Variants in IFIT1B observed in about 807,000 individuals in gnomAD.
IFIT1B encodes interferon induced protein with tetratricopeptide repeats 1B.
In IFIT1B, 3 loss-of-function variants were observed where a neutral mutation model predicts 2.5. That is an observed-to-expected ratio of 1.21 (90% CI 0.55 to 3.14). The LOEUF is 3.14. Ranked by LOEUF, IFIT1B falls within the 30% of genes most tolerant of loss-of-function variation. The pLI is 0.03. For synonymous variants in IFIT1B, 196 were observed against 203.0 expected, an observed-to-expected ratio of 0.97 and a Z score of 0.29; for missense variants, 545 against 556.5, an observed-to-expected ratio of 0.98 and a Z score of 0.21.
At chr10:89,380,545 T>G (rs1467268666) in intron 1 of IFIT1B, among the ~76,000 whole-genome samples, 1 of 151,326 alleles carries the variant, frequency 6.6e-6, no homozygotes, top group Admixed American at 6.6e-5. Context: ...CAGGTGATCC[T>G]CCCACGTCAG....
chr10:89,382,483 T>C (rs895118118), intron 1 of IFIT1B, among the ~76,000 whole-genome samples: 1 of 152,222 alleles, frequency 6.6e-6, no homozygotes, highest in African/African-American at 2.4e-5. Context: ...TCCCACTGAC[T>C]TCATATTATT....
chr10:89,382,885 T>C (rs1844173676), intron 1 of IFIT1B, among the ~76,000 whole-genome samples: 1 of 152,236 alleles, frequency 6.6e-6, no homozygotes, highest in East Asian at 1.9e-4. Context: ...AAAACCAAAA[T>C]GTGTTTACGT....
chr10:89,383,053 G>T (rs1005857615), intron 1 of IFIT1B, among the ~76,000 whole-genome samples: 1 of 152,204 alleles, frequency 6.6e-6, no homozygotes, highest in Non-Finnish European at 1.5e-5. Flanking sequence ...TTATTTTGAT[G>T]TTAGCAGAAT....
At chr10:89,380,191 C>T (rs1300125734) in intron 1 of IFIT1B, among the ~76,000 whole-genome samples, 3 of 152,080 alleles carry the variant, frequency 2.0e-5, no homozygotes, top group African/African-American at 7.2e-5. Context: ...CCTGAGGTGG[C>T]CTAAGGGGAA....
intron 1 of IFIT1B, among the ~76,000 whole-genome samples, chr10:89,379,347 CTG>C (rs1844144436): frequency 6.6e-6 from 1 of 152,178 alleles, no homozygotes; most frequent in Non-Finnish European, 1.5e-5. Flanking sequence ...GCCCATCAAT[CTG>C]TGTGTTATAA....
chr10:89,378,367 T>C (rs1246764770), intron 1 of IFIT1B, among the ~76,000 whole-genome samples: 2 of 152,118 alleles, frequency 1.3e-5, no homozygotes, highest in Admixed American at 6.5e-5. Context: ...ATGGTGCTTG[T>C]TGGTTGCAGG....
chr10:89,379,436 A>G (rs192749404), intron 1 of IFIT1B, among the ~76,000 whole-genome samples: 1 of 152,306 alleles, frequency 6.6e-6, no homozygotes, highest in African/African-American at 2.4e-5. Flanking sequence ...GAAATTTTGT[A>G]GGCATTGTGA....
At chr10:89,380,650 C>T (rs1006695894) in intron 1 of IFIT1B, among the ~76,000 whole-genome samples, 1 of 152,092 alleles carries the variant, frequency 6.6e-6, no homozygotes, top group Admixed American at 6.5e-5. Flanking sequence ...CCATGCTGGT[C>T]GTGAACTCCT....
At position 89,384,494 on chromosome 10, in the gene IFIT1B, C is replaced by T. The variant is rs201434020; in HGVS notation, c.1181C>T (p.Ser394Phe). The T allele has an allele frequency of 1.2e-5, 20 of 1,614,000 alleles. No individual in the cohort carries two copies. The East Asian group carries it at 4.2e-4, about 34-fold the overall frequency. The change falls in exon 2 of 2, where the codon TCT becomes TTT. Residue 394 changes from serine (S) to phenylalanine (F), a missense_variant. Physicochemically the swap from Ser to Phe is radical, Grantham distance 155. Transcript: ENST00000371809. ...CGTTTCCAAGAACATCATGGGAAATCTCAAGATAAAGCAATTACCCATTAT... is the reference window on the plus strand; with the variant it reads ...CGTTTCCAAGAACATCATGGGAAATTTCAAGATAAAGCAATTACCCATTAT... Reference protein sequence around the residue: ...YGRFQEHHGKSQDKAITHYLK... With the variant: ...YGRFQEHHGKFQDKAITHYLK...
intron 1 of IFIT1B, among the ~76,000 whole-genome samples, chr10:89,379,936 G>A (rs1844150232): frequency 6.6e-6 from 1 of 152,010 alleles, no homozygotes; most frequent in Non-Finnish European, 1.5e-5. Context: ...TCAGGAGGCT[G>A]AGGCAGGAGA....
Position 89,381,029 on chromosome 10 carries a change from C to G in IFIT1B, c.6-2290C>G, listed in dbSNP as rs117488035. 1.7e-3 allele frequency among the ~76,000 whole-genome samples: 261 copies of G among 152,244 alleles called. 5 individuals carry two copies. In the East Asian group the frequency reaches 0.043, roughly 25 times the overall value. The stretch of plus-strand genomic sequence containing the variant: ...TCAGTGAAAGCCAAAATCTAGTATA[C>G]TTTTTTCCACCTATCAATGCATGGC... On this transcript the variant is annotated intron_variant, in intron 1 of 1. Coordinates refer to ENST00000371809, the MANE Select transcript of IFIT1B (RefSeq NM_001010987.2).
Position 89,378,097 on chromosome 10 carries a change from A to G in IFIT1B, c.-39A>G. On this transcript the variant is annotated 5_prime_UTR_variant, in exon 1 of 2. Coordinates refer to ENST00000371809, the MANE Select transcript of IFIT1B (RefSeq NM_001010987.2). ...ACCTTGAAGGAGCCTCCAAGCCTGA[A>G]CCAAAGCACTACAGATCACCTGCTA... 1 of 1,613,250 alleles carries G rather than the reference A, an allele frequency of 6.2e-7. No homozygotes were observed. Among genetic ancestry groups the G allele is most frequent in the Non-Finnish European group, 8.5e-7 (1 of 1,179,226 alleles).
Position 89,384,941 on chromosome 10 carries a change from A to T in IFIT1B, c.*203A>T, listed in dbSNP as rs1169111119. 9.3e-6 allele frequency: 5 copies of T among 540,452 alleles called. No homozygotes were observed. The East Asian group carries it at 1.5e-4, about 16-fold the overall frequency. The allele number at this position is 540,452 out of a possible 1,614,324, so 33.5% of individuals were successfully genotyped here. On this transcript the variant is annotated 3_prime_UTR_variant, in exon 2 of 2. Coordinates refer to ENST00000371809, the MANE Select transcript of IFIT1B (RefSeq NM_001010987.2). ...TGATCAGGAAAGGCCTTGTGGCACC[A>T]GACATAAGACCCCCTGAAAGTATCA... is the stretch of plus-strand genomic sequence containing the variant.
rs1030979188 is a variant in IFIT1B at position 89,383,946 on chromosome 10, G to A, written c.633G>A (p.Arg211=). 6.2e-7 allele frequency: 1 copy of A among 1,614,152 alleles called. No individual in the cohort carries two copies. Among genetic ancestry groups the A allele is most frequent in the Admixed American group, 1.7e-5 (1 of 60,016 alleles). The part of the protein sequence containing the change: ...FSLHVLKRAV[R]LNPDDVYIRV... ...TGCACGTCCTAAAACGAGCTGTCAG[G>A]CTAAATCCAGATGATGTATATATTA... Residue 211 remains arginine (R), a synonymous_variant, in exon 2 of 2, where the codon AGG becomes AGA. Coordinates refer to ENST00000371809, the MANE Select transcript of IFIT1B (RefSeq NM_001010987.2).
At position 89,385,022 on chromosome 10, in the gene IFIT1B, G is replaced by C. The variant is rs752618489; in HGVS notation, c.*284G>C. ...TCTTGGAACATAGCAAGTAGTAACC[G>C]ATCAAATTGCTATAACGTGTGTACT... On this transcript the variant is annotated 3_prime_UTR_variant, in exon 2 of 2. Coordinates refer to ENST00000371809, the MANE Select transcript of IFIT1B (RefSeq NM_001010987.2). 2.8e-6 allele frequency: 1 copy of C among 355,132 alleles called. No homozygotes were observed. The highest frequency in any genetic ancestry group is 4.3e-5 in the Admixed American group (1 of 23,032). The allele number at this position is 355,132 out of a possible 1,614,324, so 22.0% of individuals were successfully genotyped here. A position where few individuals can be genotyped will look rare whatever the true frequency, so the allele number is the denominator to read the frequency against.
At chr10:89,379,732 T>C (rs1844148089) in intron 1 of IFIT1B, among the ~76,000 whole-genome samples, 2 of 152,132 alleles carry the variant, frequency 1.3e-5, no homozygotes, top group African/African-American at 2.4e-5. Context: ...AACGGGCTCC[T>C]GGTCATAAGA....
chr10:89,383,653 G>C lies in IFIT1B; in HGVS notation c.340G>C (p.Ala114Pro), dbSNP rs1564804247. The C allele has an allele frequency of 6.2e-7, 1 of 1,614,258 alleles. No homozygotes were observed. Among genetic ancestry groups the C allele is most frequent in the East Asian group, 2.2e-5 (1 of 44,888 alleles). The change falls in exon 2 of 2, where the codon GCC (alanine) becomes CCC (proline). Residue 114 changes from alanine to proline, a missense_variant. Transcript: ENST00000371809. ...TTACCACATGGGCAGATTGGCAGAA[G>C]CCCAGACTTACCTGGACAAGGTGGA... is the stretch of plus-strand genomic sequence containing the variant. Reference protein sequence around the residue: ...VYYHMGRLAEAQTYLDKVENT... With the variant: ...VYYHMGRLAEPQTYLDKVENT...
rs766026101 is a variant in IFIT1B at position 89,384,767 on chromosome 10, G to C, written c.*29G>C. The C allele has an allele frequency of 2.7e-6, 4 of 1,478,592 alleles. No homozygotes were observed. The highest frequency in any genetic ancestry group is 3.7e-6 in the Non-Finnish European group (4 of 1,085,750). 91.6% of individuals were successfully genotyped at this position (1,478,592 alleles called of 1,614,324 possible). On this transcript the variant is annotated 3_prime_UTR_variant, in exon 2 of 2. Transcript: ENST00000371809. ...AGAGGTCACCATTATCCATTTAATGGTCTTATAACTAAATAGAATGACTAT... is the reference window on the plus strand; with the variant it reads ...AGAGGTCACCATTATCCATTTAATGCTCTTATAACTAAATAGAATGACTAT...
In IFIT1B at chr10:89,383,902, A is replaced by G; in HGVS notation, c.589A>G (p.Arg197Gly). ...GGATAAATTTAACACAGCATCAGGG[A>G]GGAATAAGGCATTTTCTCTGCACGT... ...RLDKFNTASG[R>G]NKAFSLHVLK... Residue 197 changes from arginine (R) to glycine (G), a missense_variant, in exon 2 of 2, where the codon AGG (arginine) becomes GGG (glycine). Physicochemically the swap from Arg to Gly is moderately radical, Grantham distance 125. Transcript: ENST00000371809. The G allele has an allele frequency of 6.2e-7, 1 of 1,614,194 alleles. No individual in the cohort carries two copies. Among genetic ancestry groups the G allele is most frequent in the Non-Finnish European group, 8.5e-7 (1 of 1,180,032 alleles).
Sources: allele counts gnomAD v4.1 joint callset (sites outside exome capture counted in the v4.1 genomes callset), GRCh38; gene constraint gnomAD v4.1.1; transcripts MANE v1.5; gene names NCBI Gene and HGNC (gene_info 2026-07-23, HGNC 2026-07-21).